Variants in RFX8 observed in about 807,000 individuals in gnomAD.
The protein encoded by RFX8 is regulatory factor X8, also known as DNA-binding protein RFX8.
Under a neutral mutation model 54.6 loss-of-function variants are expected in RFX8, and 46 were observed. The ratio of observed to expected loss-of-function variants is 0.84; its 90% CI spans 0.67 to 1.08. The LOEUF (loss-of-function observed/expected upper bound fraction) is 1.08, where lower values mean the gene tolerates loss of function less well. Ranked by LOEUF, RFX8 falls within the 50% of genes least tolerant of loss-of-function variation. The pLI is 0.00. For missense variants in RFX8, 536 were observed against 562.3 expected, an observed-to-expected ratio of 0.95 and a Z score of 0.47; for synonymous variants, 192 against 209.5, an observed-to-expected ratio of 0.92 and a Z score of 0.72.
At chr2:101,424,260 T>A (rs1687043194) in intron 2 of RFX8, among the ~76,000 whole-genome samples, 1 of 151,994 alleles carries the variant, frequency 6.6e-6, no homozygotes, top group Non-Finnish European at 1.5e-5. Flanking sequence ...AACAGACACA[T>A]GAAAAAATGC....
intron 8 of RFX8, 39 bp from the exon 9 acceptor site, chr2:101,410,752 C>A: frequency 9.6e-7 from 1 of 1,040,172 alleles, no homozygotes; most frequent in Non-Finnish European, 1.5e-6. Flanking sequence ...AGATTGCATG[C>A]AGCAGAGCAG....
Position 101,417,686 on chromosome 2 carries a change from T to C in RFX8, c.352-2A>G. The C allele has an allele frequency of 6.5e-7, 1 of 1,544,750 alleles. No individual in the cohort carries two copies. The highest frequency in any genetic ancestry group is 8.7e-7 in the Non-Finnish European group (1 of 1,143,838). On this transcript the variant is annotated splice_acceptor_variant, in intron 5 of 11. Transcript: ENST00000428343. LOFTEE classifies it high-confidence loss of function. The stretch of plus-strand genomic sequence containing the variant: ...ATGAAGGAGAACATCCTCAATTCCC[T>C]ACAACAAAAGTAACAAGACACTATG...
intron 11 of RFX8, 30 bp downstream of exon 11, chr2:101,402,406 C>T (rs1212839640): frequency 1.3e-6 from 2 of 1,500,606 alleles, no homozygotes; most frequent in Non-Finnish European, 9.0e-7. Context: ...CTTGAAACAG[C>T]TGTGTGGAAG....
At chr2:101,442,078 T>C (rs1268781593) in intron 2 of RFX8, among the ~76,000 whole-genome samples, 1 of 152,250 alleles carries the variant, frequency 6.6e-6, no homozygotes, top group African/African-American at 2.4e-5. Context: ...GGTATAGTTC[T>C]CATAGTGGTC....
chr2:101,458,004 CTG>C (rs1689076519), intron 2 of RFX8, among the ~76,000 whole-genome samples: 1 of 152,126 alleles, frequency 6.6e-6, no homozygotes, highest in African/African-American at 2.4e-5. Flanking sequence ...GGTTTAAAGT[CTG>C]TTTTCTCAGA....
intron 10 of RFX8, 96 bp from the exon 11 acceptor site, chr2:101,402,848 T>C: frequency 4.5e-6 from 5 of 1,107,672 alleles, no homozygotes; most frequent in Non-Finnish European, 6.4e-6. Context: ...CTAACACCTG[T>C]GTACGTGAGC....
intron 2 of RFX8, among the ~76,000 whole-genome samples, chr2:101,424,595 T>C (rs1292258688): frequency 2.0e-5 from 3 of 152,134 alleles, no homozygotes; most frequent in Non-Finnish European, 4.4e-5. Flanking sequence ...CTATTCACAA[T>C]AGCAAAGACT....
At chr2:101,457,792 A>G (rs892324701) in intron 2 of RFX8, among the ~76,000 whole-genome samples, 1 of 152,154 alleles carries the variant, frequency 6.6e-6, no homozygotes, top group Non-Finnish European at 1.5e-5. Context: ...TGATCTGTCT[A>G]AAGTTGACAG....
chr2:101,427,710 C>T (rs1687257507), intron 2 of RFX8, among the ~76,000 whole-genome samples: 1 of 152,088 alleles, frequency 6.6e-6, no homozygotes, highest in African/African-American at 2.4e-5. Flanking sequence ...CTCTCCCGGA[C>T]CCCCAATTTG....
intron 6 of RFX8, among the ~76,000 whole-genome samples, 184 bp downstream of exon 6, chr2:101,417,350 G>T (rs985226850): frequency 2.7e-5 from 4 of 150,370 alleles, no homozygotes; most frequent in Admixed American, 2.7e-4. Flanking sequence ...GACCACAGGT[G>T]TGTGCCACCA....
intron 2 of RFX8, among the ~76,000 whole-genome samples, chr2:101,450,228 A>G (rs1688603054): frequency 6.6e-6 from 1 of 152,046 alleles, no homozygotes. Flanking sequence ...TATTATTATT[A>G]TTACTATTTT....
intron 2 of RFX8, among the ~76,000 whole-genome samples, chr2:101,457,902 G>A (rs904542892): frequency 2.0e-5 from 3 of 152,168 alleles, no homozygotes; most frequent in East Asian, 3.8e-4. Context: ...CCTGTATTGG[G>A]TGCATATATA....
intron 2 of RFX8, among the ~76,000 whole-genome samples, chr2:101,446,210 C>A (rs1158736836): frequency 6.6e-6 from 1 of 152,172 alleles, no homozygotes; most frequent in Non-Finnish European, 1.5e-5. Context: ...GTGTCTCACT[C>A]TGTCACCCAG....
At chr2:101,469,963 G>A (rs947880694) in intron 1 of RFX8, among the ~76,000 whole-genome samples, 1 of 152,146 alleles carries the variant, frequency 6.6e-6, no homozygotes, top group Non-Finnish European at 1.5e-5. Flanking sequence ...CTGACCATGT[G>A]TCTGTGGTCA....
chr2:101,450,549 A>G, intron 2 of RFX8: 1 of 935,696 alleles, frequency 1.1e-6, no homozygotes, highest in Non-Finnish European at 1.7e-6. Flanking sequence ...AACATTCACC[A>G]GGCTTGTGAC....
At position 101,430,596 on chromosome 2, in the gene RFX8, A is replaced by G. The variant is rs188370462; in HGVS notation, c.73-8124T>C. Among the ~76,000 whole-genome samples the G allele has an allele frequency of 5.3e-4, 81 of 152,348 alleles. 3 individuals are homozygous for G. In the East Asian group the frequency reaches 0.01, roughly 19 times the overall value. ...CTCACCAGAAACCAAATTTTGGGGTACCTTGATCTTGGACTTCCAGCTTCC... is the reference window on the plus strand; with the variant it reads ...CTCACCAGAAACCAAATTTTGGGGTGCCTTGATCTTGGACTTCCAGCTTCC... On this transcript the variant is annotated intron_variant, in intron 2 of 11. Coordinates refer to ENST00000428343, the MANE Select transcript of RFX8 (RefSeq NM_001145664.2).
chr2:101,430,803 C>G (rs1687440929), intron 2 of RFX8, among the ~76,000 whole-genome samples: 1 of 151,908 alleles, frequency 6.6e-6, no homozygotes, highest in Non-Finnish European at 1.5e-5. Context: ...ATTACAGCAA[C>G]AAAAACAACA....
At chr2:101,402,824 C>T (rs1671161770) in intron 10 of RFX8, 72 bp from the exon 11 acceptor site, 1 of 1,381,292 alleles carries the variant, frequency 7.2e-7, no homozygotes, top group African/African-American at 1.4e-5. Context: ...GTGAAACTAA[C>T]AACTTTTCTG....
intron 1 of RFX8, among the ~76,000 whole-genome samples, chr2:101,471,612 C>T (rs1007631548): frequency 6.6e-6 from 1 of 152,154 alleles, no homozygotes; most frequent in Non-Finnish European, 1.5e-5. Context: ...CCTGCTAGGT[C>T]TGCATCCCAG....
Sources: allele counts gnomAD v4.1 joint callset (sites outside exome capture counted in the v4.1 genomes callset), GRCh38; gene constraint gnomAD v4.1.1; transcripts MANE v1.5; gene names NCBI Gene and HGNC (gene_info 2026-07-23, HGNC 2026-07-21).